Variants in CSMD1 observed in about 807,000 individuals in gnomAD.
The protein encoded by CSMD1 is CUB and Sushi multiple domains 1, also known as CUB and sushi domain-containing protein 1.
A neutral mutation model predicts 417.5 loss-of-function variants in CSMD1; 213 were observed. The observed-to-expected ratio is 0.51, with a 90% CI of 0.46 to 0.57. The LOEUF is 0.57. Ranked by LOEUF, CSMD1 falls within the 20% of genes least tolerant of loss-of-function variation. The pLI, the probability that CSMD1 is intolerant of heterozygous loss-of-function variation, is 0.00. For missense variants in CSMD1, 6,923 were observed against 4,529.7 expected, an observed-to-expected ratio of 1.53 and a Z score of -15.17; for synonymous variants, 2,862 against 1,736.8, an observed-to-expected ratio of 1.65 and a Z score of -16.11.
chr8:4,370,672 A>T (rs1170227363), intron 3 of CSMD1, among the ~76,000 whole-genome samples: 1 of 152,130 alleles, frequency 6.6e-6, no homozygotes, highest in African/African-American at 2.4e-5. Flanking sequence ...CGTTGCTTCA[A>T]AGGAGTGGTG....
intron 21 of CSMD1, among the ~76,000 whole-genome samples, chr8:3,358,670 T>C (rs1248236461): frequency 6.6e-6 from 1 of 152,180 alleles, no homozygotes; most frequent in East Asian, 1.9e-4. Context: ...ATGCCTCTTG[T>C]GCCCACTTAG....
At chr8:3,108,501 C>A (rs1816293689) in intron 44 of CSMD1, 102 bp downstream of exon 44, 2 of 1,257,970 alleles carry the variant, frequency 1.6e-6, no homozygotes, top group Admixed American at 2.3e-5. Flanking sequence ...ACGCCCTCGG[C>A]TGAATCAAGA....
intron 4 of CSMD1, among the ~76,000 whole-genome samples, chr8:4,010,032 C>T (rs185389303): frequency 6.6e-6 from 1 of 152,204 alleles, no homozygotes; most frequent in African/African-American, 2.4e-5. Flanking sequence ...TCTCCTACTA[C>T]TTCCTCGAAA....
chr8:3,675,819 G>A (rs918480871), intron 7 of CSMD1, among the ~76,000 whole-genome samples: 1 of 152,190 alleles, frequency 6.6e-6, no homozygotes, highest in African/African-American at 2.4e-5. Context: ...AGCAGCCAGA[G>A]TTGACTAAGC....
At chr8:4,765,164 TTTTC>T (rs1190021119) in intron 1 of CSMD1, among the ~76,000 whole-genome samples, 1 of 152,170 alleles carries the variant, frequency 6.6e-6, no homozygotes, top group East Asian at 1.9e-4. Context: ...TCGTGACTTT[TTTTC>T]TTTATTTTTT....
rs113776102 is a variant in CSMD1 at position 4,811,491 on chromosome 8, T to G, written c.86-173933A>C. ...TTCAAAAAATACAATTTTATCAAAT[T>G]TAGGGGATTGGTGGCAATGTATTGC... On this transcript the variant is annotated intron_variant, in intron 1 of 69. Coordinates refer to ENST00000635120, the MANE Select transcript of CSMD1 (RefSeq NM_033225.6). 4.0e-3 allele frequency among the ~76,000 whole-genome samples: 615 copies of G among 152,232 alleles called. 10 individuals are homozygous for G. The highest frequency in any genetic ancestry group is 0.014 in the African/African-American group (574 of 41,546).
chr8:4,161,219 C>A (rs1028336131), intron 3 of CSMD1, among the ~76,000 whole-genome samples: 1 of 152,078 alleles, frequency 6.6e-6, no homozygotes, highest in African/African-American at 2.4e-5. Flanking sequence ...CCATGAACAA[C>A]CCTCTAAAGC....
chr8:3,816,392 G>A (rs910513343), intron 5 of CSMD1, among the ~76,000 whole-genome samples: 1 of 152,164 alleles, frequency 6.6e-6, no homozygotes. Flanking sequence ...GAGCAAGATG[G>A]AGAAGCAGAC....
intron 2 of CSMD1, 32 bp from the exon 3 acceptor site, chr8:4,420,097 T>G: frequency 6.8e-7 from 1 of 1,466,070 alleles, no homozygotes. Flanking sequence ...CAAAGAGAGT[T>G]AAAAGCATGA....
intron 2 of CSMD1, among the ~76,000 whole-genome samples, chr8:4,556,976 G>C (rs1036786860): frequency 6.6e-6 from 1 of 152,262 alleles, no homozygotes; most frequent in Middle Eastern, 3.4e-3. Context: ...CTTTATGTAA[G>C]CTAATGTGCA....
intron 2 of CSMD1, among the ~76,000 whole-genome samples, chr8:4,499,093 A>G (rs941038256): frequency 1.9e-4 from 29 of 152,224 alleles, no homozygotes; most frequent in African/African-American, 6.0e-4. Context: ...ACAGAAATGA[A>G]ATGTTAAAAT....
At chr8:3,113,595 G>A (rs1816669774) in intron 42 of CSMD1, among the ~76,000 whole-genome samples, 1 of 152,204 alleles carries the variant, frequency 6.6e-6, no homozygotes, top group South Asian at 2.1e-4. Flanking sequence ...GGCGCCACTG[G>A]CTTCCCCCAC....
At chr8:3,096,263 G>C (rs1239307637) in intron 47 of CSMD1, among the ~76,000 whole-genome samples, 2 of 152,170 alleles carry the variant, frequency 1.3e-5, no homozygotes, top group Non-Finnish European at 2.9e-5. Context: ...TGGTTTGGCT[G>C]TGTCCCCTCC....
intron 3 of CSMD1, among the ~76,000 whole-genome samples, chr8:4,093,041 G>C (rs942028093): frequency 6.6e-6 from 1 of 152,008 alleles, no homozygotes. Flanking sequence ...GTGACTTGTT[G>C]GTTATTGCAT....
At chr8:3,995,877 C>T (rs556099101) in intron 5 of CSMD1, among the ~76,000 whole-genome samples, 12 of 152,228 alleles carry the variant, frequency 7.9e-5, no homozygotes, top group Non-Finnish European at 1.5e-4. Context: ...ATAGTTCCCA[C>T]TGATAACTTT....
intron 5 of CSMD1, among the ~76,000 whole-genome samples, chr8:3,906,316 T>A (rs147657680): frequency 6.6e-6 from 1 of 152,106 alleles, no homozygotes; most frequent in African/African-American, 2.4e-5. Flanking sequence ...CCATGAAACA[T>A]CAATTTGGTG....
chr8:3,911,426 G>A (rs1381990567), intron 5 of CSMD1, among the ~76,000 whole-genome samples: 1 of 151,776 alleles, frequency 6.6e-6, no homozygotes, highest in Non-Finnish European at 1.5e-5. Context: ...TACTCGGGAG[G>A]CTGAGGCAGG....
At chr8:3,588,557 T>C (rs372122600) in intron 8 of CSMD1, among the ~76,000 whole-genome samples, 1 of 152,146 alleles carries the variant, frequency 6.6e-6, no homozygotes, top group South Asian at 2.1e-4. Context: ...CAATCCTTAG[T>C]CATGGAGGGC....
At chr8:3,415,570 G>T (rs745443744) in intron 12 of CSMD1, among the ~76,000 whole-genome samples, 1 of 152,134 alleles carries the variant, frequency 6.6e-6, no homozygotes, top group South Asian at 2.1e-4. Context: ...TGTTGGCCAC[G>T]CTGGTCTCCA....
Sources: allele counts gnomAD v4.1 joint callset (sites outside exome capture counted in the v4.1 genomes callset), GRCh38; gene constraint gnomAD v4.1.1; transcripts MANE v1.5; gene names NCBI Gene and HGNC (gene_info 2026-07-23, HGNC 2026-07-21).